Variants in CLEC4A observed in about 807,000 individuals in gnomAD.
The protein encoded by CLEC4A is C-type lectin domain family 4 member A, also known as C-type (calcium dependent, carbohydrate-recognition domain) lectin, superfamily member 6.
In CLEC4A, 27 loss-of-function variants were observed where a neutral mutation model predicts 32.7. The ratio of observed to expected loss-of-function variants is 0.83; its 90% CI spans 0.61 to 1.14. The LOEUF (loss-of-function observed/expected upper bound fraction) is 1.14. Ranked by LOEUF, CLEC4A falls within the 50% of genes most tolerant of loss-of-function variation. The probability of loss-of-function intolerance (pLI) is 0.00; values close to 1 mark genes in which losing one functional copy is unlikely to be tolerated. For synonymous variants in CLEC4A, 89 were observed against 93.7 expected (o/e 0.95, Z 0.29); for missense variants, 253 against 274.6 (o/e 0.92, Z 0.55).
At chr12:8,111,162 G>A in the CLEC4A span, among the ~76,000 whole-genome samples, 2 of 148,210 alleles carry the variant, frequency 1.3e-5, no homozygotes, top group East Asian at 2.0e-4. Context: ...GTGAGCCACC[G>A]CGCCTGGCCC....
At chr12:8,134,711 G>A (rs756092207) in intron 3 of CLEC4A, 2 of 1,569,416 alleles carry the variant, frequency 1.3e-6, no homozygotes, top group Non-Finnish European at 1.7e-6. Flanking sequence ...ACCCCGGCCC[G>A]ATTCCTGGCC....
At chr12:8,130,179 G>GA (rs777010945) in intron 3 of CLEC4A, among the ~76,000 whole-genome samples, 88 of 152,092 alleles carry the variant, frequency 5.8e-4, no homozygotes, top group African/African-American at 2.0e-3. Flanking sequence ...TTTGTCTATG[G>GA]AAAAAAATAG....
chr12:8,132,181 C>A (rs771581857), intron 3 of CLEC4A, among the ~76,000 whole-genome samples: 15 of 152,174 alleles, frequency 9.9e-5, no homozygotes, highest in African/African-American at 3.6e-4. Flanking sequence ...CGTGTTTTTT[C>A]TTTTGTTTTG....
chr12:8,131,641 G>T (rs982790241), intron 3 of CLEC4A, among the ~76,000 whole-genome samples: 3 of 152,112 alleles, frequency 2.0e-5, no homozygotes, highest in African/African-American at 7.2e-5. Context: ...GAAACATCCA[G>T]AATGTTTGGC....
the CLEC4A span, among the ~76,000 whole-genome samples, chr12:8,107,264 G>A: frequency 1.8e-4 from 28 of 152,114 alleles, no homozygotes; most frequent in African/African-American, 6.3e-4. Context: ...ATGTGCTACT[G>A]GATTTGGTTT....
At chr12:8,116,029 C>T in the CLEC4A span, among the ~76,000 whole-genome samples, 1 of 151,446 alleles carries the variant, frequency 6.6e-6, no homozygotes, top group Non-Finnish European at 1.5e-5. Flanking sequence ...GGTGTGATCT[C>T]GGCTTACCAC....
chr12:8,112,524 T>G, the CLEC4A span, among the ~76,000 whole-genome samples: 1 of 152,228 alleles, frequency 6.6e-6, no homozygotes, highest in Non-Finnish European at 1.5e-5. Context: ...GGGTGAAAAA[T>G]ATATTCATTT....
At chr12:8,135,047 C>T (rs1427124274) in intron 3 of CLEC4A, among the ~76,000 whole-genome samples, 302 of 8,954 alleles carry the variant, frequency 0.034, 16 homozygotes, top group Non-Finnish European at 0.04. Context: ...ATTTTATTAT[C>T]TTTTTTTTTT....
intron 3 of CLEC4A, 69 bp downstream of exon 3, chr12:8,129,431 A>G: frequency 2.0e-6 from 2 of 1,010,680 alleles, no homozygotes; most frequent in Non-Finnish European, 3.1e-6. Context: ...CAATATTTCC[A>G]GTAAGATTCC....
intron 3 of CLEC4A, among the ~76,000 whole-genome samples, chr12:8,133,025 T>C (rs925218778): frequency 9.9e-5 from 15 of 152,010 alleles, no homozygotes; most frequent in Non-Finnish European, 2.2e-4. Flanking sequence ...AGCGATTCTC[T>C]TGCCTCAGCC....
chr12:8,103,140 T>C, the CLEC4A span, among the ~76,000 whole-genome samples: 3 of 152,134 alleles, frequency 2.0e-5, no homozygotes, highest in Non-Finnish European at 4.4e-5. Context: ...TCCTAGGCAG[T>C]CTGCTTGCCA....
the CLEC4A span, among the ~76,000 whole-genome samples, chr12:8,110,514 AC>A: frequency 2.0e-5 from 3 of 152,120 alleles, no homozygotes; most frequent in East Asian, 5.8e-4. Context: ...TGCCTCAAAT[AC>A]TTTTTTCCCA....
At chr12:8,109,504 A>G in the CLEC4A span, among the ~76,000 whole-genome samples, 2 of 152,218 alleles carry the variant, frequency 1.3e-5, no homozygotes, top group East Asian at 1.9e-4. Context: ...TTCCTCATAT[A>G]CGAAATTAAA....
intron 3 of CLEC4A, among the ~76,000 whole-genome samples, chr12:8,133,493 A>C (rs1438964865): frequency 9.7e-6 from 1 of 103,512 alleles, no homozygotes; most frequent in Admixed American, 1.3e-4. Flanking sequence ...TCAATTATAA[A>C]ATTTCCATTT....
chr12:8,112,275 G>C, the CLEC4A span, among the ~76,000 whole-genome samples: 1 of 152,070 alleles, frequency 6.6e-6, no homozygotes, highest in Non-Finnish European at 1.5e-5. Flanking sequence ...GCCTACGTGG[G>C]TATATTGCGT....
At chr12:8,133,888 G>C in intron 3 of CLEC4A, 1 of 1,590,952 alleles carries the variant, frequency 6.3e-7, no homozygotes, top group Non-Finnish European at 8.6e-7. Context: ...CATAGCCTGG[G>C]GTACCAAAAT....
At chr12:8,117,991 G>A in the CLEC4A span, among the ~76,000 whole-genome samples, 354 of 152,046 alleles carry the variant, frequency 2.3e-3, 1 homozygote, top group African/African-American at 8.0e-3. Flanking sequence ...ATCTGTGATT[G>A]GTGCTTTTTC....
intron 3 of CLEC4A, chr12:8,134,206 A>T: frequency 6.2e-7 from 1 of 1,611,054 alleles, no homozygotes; most frequent in Non-Finnish European, 8.5e-7. Flanking sequence ...TCTCCTGAAG[A>T]TTTTCATTGT....
chr12:8,124,424 G>GAAATGTAACAAAAGGCCTTTGC (rs1298464017), intron 1 of CLEC4A, among the ~76,000 whole-genome samples: 1 of 152,114 alleles, frequency 6.6e-6, no homozygotes, highest in Non-Finnish European at 1.5e-5. Flanking sequence ...GTAATGGATG[G>GAAATGTAACAAAAGGCCTTTGC]AAATGTAACA....
Sources: gnomAD v4.1 joint callset for allele counts (sites outside exome capture counted in the v4.1 genomes callset) on GRCh38, gnomAD v4.1.1 for gene constraint, MANE v1.5 for transcripts, NCBI Gene and HGNC (gene_info 2026-07-23, HGNC 2026-07-21) for gene names.